Variants in TMEM131 observed in about 807,000 individuals in gnomAD.
TMEM131 encodes the protein 2610524E03Rik.
Under a neutral mutation model 211.6 loss-of-function variants are expected in TMEM131, and 66 were observed. The ratio of observed to expected loss-of-function variants is 0.31; its 90% CI spans 0.26 to 0.38. The LOEUF is 0.38. Among genes scored for constraint, TMEM131 ranks in the 10% least tolerant of loss-of-function variants. The pLI is 1.00. For missense variants in TMEM131, 2,036 were observed against 2,299.3 expected, an observed-to-expected ratio of 0.89 and a Z score of 2.34; for synonymous variants, 844 against 841.3, an observed-to-expected ratio of 1.00 and a Z score of -0.06.
At chr2:97,887,974 G>T in intron 4 of TMEM131, 78 bp downstream of exon 4, 1 of 1,164,988 alleles carries the variant, frequency 8.6e-7, no homozygotes, top group Non-Finnish European at 1.3e-6. Flanking sequence ...TGTAACACAG[G>T]CAAAAGACAA....
intron 11 of TMEM131, among the ~76,000 whole-genome samples, chr2:97,822,946 TTCTC>T (rs1238778144): frequency 1.3e-5 from 2 of 152,124 alleles, no homozygotes; most frequent in Non-Finnish European, 2.9e-5. Context: ...GGTCCCAATA[TTCTC>T]TCTCTGATGG....
intron 4 of TMEM131, chr2:97,887,731 A>G (rs1675219533): frequency 4.6e-6 from 1 of 216,528 alleles, no homozygotes; most frequent in African/African-American, 2.3e-5. Context: ...TCATAAGAAG[A>G]TTTTTAAATA....
intron 7 of TMEM131, among the ~76,000 whole-genome samples, chr2:97,838,422 TAAA>T (rs1416304642): frequency 1.2e-4 from 17 of 137,460 alleles, no homozygotes; most frequent in African/African-American, 4.8e-4. Context: ...TTCTTAAGCT[TAAA>T]CTTTTTTTTT....
intron 25 of TMEM131, among the ~76,000 whole-genome samples, chr2:97,799,319 A>G (rs1235855875): frequency 6.6e-6 from 1 of 152,004 alleles, no homozygotes; most frequent in Non-Finnish European, 1.5e-5. Flanking sequence ...TCAACCCTGG[A>G]GCATGTCTTT....
chr2:97,934,179 T>C (rs190932252), intron 1 of TMEM131, among the ~76,000 whole-genome samples: 1 of 152,162 alleles, frequency 6.6e-6, no homozygotes, highest in Non-Finnish European at 1.5e-5. Flanking sequence ...AGTTGCAGAA[T>C]ACAAGGTCTA....
In TMEM131 at chr2:97,943,682, A is replaced by G. The variant is rs555967123; in HGVS notation, c.188-16195T>C. On this transcript the variant is annotated intron_variant, in intron 1 of 40. Transcript: ENST00000186436. Reference sequence around the variant, plus strand: ...TCATAAGAATATTCAAGAATAGCCAAAACAGTTTTGAAAAAGAAAGACACA... The same window carrying G: ...TCATAAGAATATTCAAGAATAGCCAGAACAGTTTTGAAAAAGAAAGACACA... Among the ~76,000 whole-genome samples, 17 of 152,376 alleles carry G rather than the reference A, an allele frequency of 1.1e-4. No homozygotes were observed. In the South Asian group the frequency reaches 3.5e-3, roughly 32 times the overall value.
chr2:97,785,754 TA>T (rs1680217981), intron 31 of TMEM131, among the ~76,000 whole-genome samples: 1 of 152,146 alleles, frequency 6.6e-6, no homozygotes, highest in Non-Finnish European at 1.5e-5. Context: ...AGCCCCAAAT[TA>T]GACATAATCC....
intron 10 of TMEM131, 115 bp from the exon 11 acceptor site, chr2:97,833,541 A>G (rs1682804855): frequency 3.4e-6 from 2 of 588,646 alleles, no homozygotes; most frequent in Non-Finnish European, 6.1e-6. Context: ...TACAATGACA[A>G]TAAGATTAAT....
Position 97,820,564 on chromosome 2 carries a change from T to TA in TMEM131, c.1075-1844dup, listed in dbSNP as rs199559480. Reference sequence around the variant, plus strand: ...CTCTGGGGCTCATTTTTCCCACCTGTAAAAAAAATCCTGGCTGGGCATGGT... The same window carrying TA: ...CTCTGGGGCTCATTTTTCCCACCTGTAAAAAAAAATCCTGGCTGGGCATGGT... On this transcript the variant is annotated intron_variant, in intron 11 of 40. Transcript: ENST00000186436. 1.6e-3 allele frequency among the ~76,000 whole-genome samples: 238 copies of TA among 151,954 alleles called. 1 individual carries two copies. The highest frequency in any genetic ancestry group is 5.1e-3 in the African/African-American group (212 of 41,460).
intron 13 of TMEM131, 127 bp from the exon 14 acceptor site, chr2:97,814,515 A>T: frequency 2.1e-6 from 2 of 963,574 alleles, no homozygotes; most frequent in Non-Finnish European, 2.9e-6. Flanking sequence ...AAGATTTAGA[A>T]CTATAATATT....
chr2:97,781,528 A>T (rs1680006068), intron 31 of TMEM131, among the ~76,000 whole-genome samples: 1 of 152,210 alleles, frequency 6.6e-6, no homozygotes, highest in African/African-American at 2.4e-5. Flanking sequence ...ATCCCATTTC[A>T]GTCTCTACAC....
rs762337689 is a variant in TMEM131 at position 97,834,919 on chromosome 2, G to A, written c.811C>T (p.Pro271Ser). The A allele has an allele frequency of 2.5e-6, 4 of 1,613,514 alleles. No homozygotes were observed. The South Asian group carries it at 4.4e-5, about 18-fold the overall frequency. The change falls in exon 9 of 41, where the codon CCT becomes TCT. Residue 271 changes from proline to serine, a missense_variant. Physicochemically the swap from Pro to Ser is moderately conservative, Grantham distance 74 (BLOSUM62 -1). Around this residue, in one of 3 missense-constraint regions of TMEM131, gnomAD observed 277 missense variants for 378.0 expected, o/e 0.73. Transcript: ENST00000186436. ...ATCACTCCCTTGGTTTCATAAGGAG[G>A]AATTTCCTGACAAGTTAACAGACCA... ...QGGTRKLWEI[P>S]PYETKGVMRA...
chr2:97,762,012 C>T lies in TMEM131; in HGVS notation c.4889+23G>A, dbSNP rs372635654. On this transcript the variant is annotated intron_variant, in intron 36 of 40. Coordinates refer to ENST00000186436, the MANE Select transcript of TMEM131 (RefSeq NM_015348.2). ...TTTAGGCACATTTCAAGCTGAGAAC[C>T]GGAAAGGAAGCAGCAGGCCTACCTG... The T allele has an allele frequency of 2.2e-5, 34 of 1,532,642 alleles. No homozygotes were observed. The African/African-American group carries it at 2.4e-4, about 11-fold the overall frequency. 94.9% of individuals were successfully genotyped at this position (1,532,642 alleles called of 1,614,324 possible).
At chr2:97,822,350 C>T (rs950887356) in intron 11 of TMEM131, among the ~76,000 whole-genome samples, 1 of 152,106 alleles carries the variant, frequency 6.6e-6, no homozygotes, top group African/African-American at 2.4e-5. Flanking sequence ...TACGGGGAGC[C>T]TCAGAAACGA....
chr2:97,804,282 T>C (rs754143460), intron 22 of TMEM131, among the ~76,000 whole-genome samples: 1 of 152,114 alleles, frequency 6.6e-6, no homozygotes, highest in Non-Finnish European at 1.5e-5. Context: ...GATTTGTCAT[T>C]AGATGCACAT....
intron 25 of TMEM131, among the ~76,000 whole-genome samples, chr2:97,798,201 G>C (rs1307372278): frequency 2.6e-5 from 4 of 152,218 alleles, no homozygotes; most frequent in African/African-American, 9.6e-5. Flanking sequence ...CTTTTTGACA[G>C]CCAGTTATAG....
intron 2 of TMEM131, among the ~76,000 whole-genome samples, chr2:97,917,304 G>A (rs1676548652): frequency 6.6e-6 from 1 of 152,170 alleles, no homozygotes; most frequent in South Asian, 2.1e-4. Context: ...TACCGAAAAA[G>A]TTTGCCAACA....
intron 1 of TMEM131, among the ~76,000 whole-genome samples, chr2:97,938,256 C>G (rs1434389023): frequency 6.6e-6 from 1 of 151,958 alleles, no homozygotes; most frequent in Non-Finnish European, 1.5e-5. Context: ...GAGTCAAGAC[C>G]CATCAGTGTG....
chr2:97,987,324 G>A lies in TMEM131; in HGVS notation c.187+8152C>T, dbSNP rs147109588. Among the ~76,000 whole-genome samples the A allele has an allele frequency of 4.9e-4, 74 of 152,214 alleles. No individual in the cohort carries two copies. In the South Asian group the frequency reaches 6.2e-3, roughly 13 times the overall value. ...TCAAGAGATCGAGACCATCCTGGCC[G>A]TGAAACCTCATCTACTAAAAATACA... is the stretch of plus-strand genomic sequence containing the variant. On this transcript the variant is annotated intron_variant, in intron 1 of 40. Transcript: ENST00000186436.
Sources: allele counts gnomAD v4.1 joint callset (sites outside exome capture counted in the v4.1 genomes callset), GRCh38; gene constraint gnomAD v4.1.1; regional missense constraint gnomAD v4.1.1; transcripts MANE v1.5; gene names NCBI Gene and HGNC (gene_info 2026-07-23, HGNC 2026-07-21).